Variants in DPP6 observed in about 807,000 individuals in gnomAD.
DPP6 encodes the protein A-type potassium channel modulatory protein DPP6.
DPP6 carries 69 observed loss-of-function variants against 122.6 expected under a neutral mutation model. The observed-to-expected ratio is 0.56, with a 90% CI of 0.46 to 0.69. The LOEUF (loss-of-function observed/expected upper bound fraction) is 0.69. Ranked by LOEUF, DPP6 falls within the 30% of genes least tolerant of loss-of-function variation. The probability of loss-of-function intolerance (pLI) is 0.00; values close to 1 mark genes in which losing one functional copy is unlikely to be tolerated. For missense variants in DPP6, 928 were observed against 1,116.9 expected (o/e 0.83, Z 2.41); for synonymous variants, 418 against 433.1 (o/e 0.97, Z 0.43).
At chr7:154,273,262 G>A (rs1225420246) in intron 1 of DPP6, among the ~76,000 whole-genome samples, 4 of 152,284 alleles carry the variant, frequency 2.6e-5, no homozygotes, top group South Asian at 4.1e-4. Context: ...GGTGAAGGAG[G>A]CAGAATAGGA....
chr7:153,829,835 G>A, the DPP6 span, among the ~76,000 whole-genome samples: 344 of 152,238 alleles, frequency 2.3e-3, 2 homozygotes, highest in Non-Finnish European at 3.9e-3. Context: ...CGATTGTTTC[G>A]GGTACTCTTT....
At chr7:154,839,622 C>T (rs1021723506) in intron 16 of DPP6, among the ~76,000 whole-genome samples, 4 of 152,146 alleles carry the variant, frequency 2.6e-5, no homozygotes, top group Non-Finnish European at 4.4e-5. Flanking sequence ...ACTGTTATTA[C>T]GGTGGTGCCA....
At chr7:154,017,029 G>A (rs1798450042) in intron 1 of DPP6, among the ~76,000 whole-genome samples, 2 of 152,220 alleles carry the variant, frequency 1.3e-5, no homozygotes, top group Admixed American at 6.5e-5. Context: ...GAAGGAATAA[G>A]TAATAGTGTT....
chr7:154,545,205 TTTCA>T lies in DPP6; in HGVS notation c.552+4581_552+4584del, dbSNP rs547383671. Among the ~76,000 whole-genome samples the T allele has an allele frequency of 5.6e-4, 86 of 152,362 alleles. 4 individuals are homozygous for T. The South Asian group carries it at 0.012, about 21-fold the overall frequency. On this transcript the variant is annotated intron_variant, in intron 4 of 25. Transcript: ENST00000377770. ...TTTTAAATGTCAATGTTATTTTACG[TTTCA>T]TGCTCCTTATAAGACTCTTGTCAAC... is the stretch of plus-strand genomic sequence containing the variant.
chr7:153,814,857 C>T, the DPP6 span, among the ~76,000 whole-genome samples: 1 of 151,582 alleles, frequency 6.6e-6, no homozygotes, highest in Middle Eastern at 3.5e-3. Context: ...AAGACAGAAA[C>T]CACATGATTA....
intron 1 of DPP6, among the ~76,000 whole-genome samples, chr7:154,412,347 T>C (rs1055924427): frequency 6.6e-6 from 1 of 152,148 alleles, no homozygotes; most frequent in Non-Finnish European, 1.5e-5. Context: ...AGGGCTAATC[T>C]CCAGCAAAGC....
At chr7:154,409,240 G>T (rs537844366) in intron 1 of DPP6, among the ~76,000 whole-genome samples, 1 of 152,250 alleles carries the variant, frequency 6.6e-6, no homozygotes, top group African/African-American at 2.4e-5. Context: ...CATATGAATG[G>T]ACCCTAATTC....
chr7:153,825,561 GTTTTC>G, the DPP6 span, among the ~76,000 whole-genome samples: 1 of 151,710 alleles, frequency 6.6e-6, no homozygotes, highest in African/African-American at 2.4e-5. Flanking sequence ...CTTTTGTTTT[GTTTTC>G]TTTTCTTTAT....
chr7:153,825,551 C>CTTTTG, the DPP6 span, among the ~76,000 whole-genome samples: 121,691 of 151,166 alleles, frequency 0.81, 49,109 homozygotes, highest in Admixed American at 0.85. Context: ...CCATTTTTTT[C>CTTTTG]TTTTGTTTTG....
chr7:154,646,589 AT>A (rs1395229390), intron 6 of DPP6, among the ~76,000 whole-genome samples: 2 of 152,204 alleles, frequency 1.3e-5, no homozygotes, highest in Non-Finnish European at 2.9e-5. Context: ...GTTTTGTTAG[AT>A]GGCTACTTCC....
chr7:153,878,976 A>G, the DPP6 span, among the ~76,000 whole-genome samples: 1 of 151,876 alleles, frequency 6.6e-6, no homozygotes, highest in Non-Finnish European at 1.5e-5. Context: ...GAAGGAGGAA[A>G]GGAGAAAGAA....
chr7:154,716,270 A>T (rs1041334665), intron 7 of DPP6, among the ~76,000 whole-genome samples: 1 of 151,872 alleles, frequency 6.6e-6, no homozygotes, highest in African/African-American at 2.4e-5. Flanking sequence ...CTGGAACACA[A>T]GGCTTCTCCC....
At chr7:153,952,042 CA>C (rs1320687273) in intron 1 of DPP6, among the ~76,000 whole-genome samples, 2 of 151,914 alleles carry the variant, frequency 1.3e-5, no homozygotes, top group African/African-American at 4.8e-5. Context: ...GATTCTGTCT[CA>C]AAAAAGAAAG....
Position 154,412,535 on chromosome 7 carries a change from C to T in DPP6, c.244-33679C>T, listed in dbSNP as rs1018756303. ...TTAGAGGCCCCATCTCTAATGCAAT[C>T]ACAATGGCAGTGGGGGCTAGTGCTT... On this transcript the variant is annotated intron_variant, in intron 1 of 25. Coordinates refer to ENST00000377770, the MANE Select transcript of DPP6 (RefSeq NM_130797.4). Among the ~76,000 whole-genome samples, 5 of 152,168 alleles carry T rather than the reference C, an allele frequency of 3.3e-5. No individual in the cohort carries two copies. In the South Asian group the frequency reaches 1.0e-3, roughly 32 times the overall value.
In DPP6 at chr7:154,403,566, A is replaced by AAGCAAAG. The variant is rs1158091340; in HGVS notation, c.244-42643_244-42637dup. On this transcript the variant is annotated intron_variant, in intron 1 of 25. Coordinates refer to ENST00000377770, the MANE Select transcript of DPP6 (RefSeq NM_130797.4). The surrounding 1 kb of genome is among the most constrained non-coding windows in gnomAD (Gnocchi z 4.1). ...CTGTGCATCCAACTCTGGGCTGGGA[A>AAGCAAAG]AGCAAAGAGCACTGGGCAATCACGC... Among the ~76,000 whole-genome samples the AAGCAAAG allele has an allele frequency of 1.3e-5, 2 of 152,206 alleles. No homozygotes were observed. The highest frequency in any genetic ancestry group is 2.4e-5 in the African/African-American group (1 of 41,466).
intron 1 of DPP6, among the ~76,000 whole-genome samples, chr7:154,179,603 G>A (rs890612395): frequency 4.6e-5 from 7 of 152,204 alleles, no homozygotes; most frequent in African/African-American, 1.7e-4. Context: ...AATAATGGCT[G>A]TTGCTTCCTT....
chr7:154,504,566 C>A (rs767024642), intron 3 of DPP6, among the ~76,000 whole-genome samples: 1 of 152,088 alleles, frequency 6.6e-6, no homozygotes, highest in Non-Finnish European at 1.5e-5. Context: ...CAAGGATCAA[C>A]GTATGGGACC....
chr7:154,678,281 G>A (rs779054881), intron 7 of DPP6, among the ~76,000 whole-genome samples: 28 of 152,192 alleles, frequency 1.8e-4, no homozygotes, highest in Non-Finnish European at 3.5e-4. Context: ...TGGAAGCTGT[G>A]TTCTTTCCTT....
intron 7 of DPP6, among the ~76,000 whole-genome samples, chr7:154,725,953 A>G (rs958285770): frequency 6.6e-6 from 1 of 152,218 alleles, no homozygotes; most frequent in East Asian, 1.9e-4. Context: ...TCTGAAACCC[A>G]GCAGGGCAGT....
Sources: allele counts gnomAD v4.1 joint callset (sites outside exome capture counted in the v4.1 genomes callset), GRCh38; gene constraint gnomAD v4.1.1; non-coding constraint Gnocchi (gnomAD v3.1); transcripts MANE v1.5; gene names NCBI Gene and HGNC (gene_info 2026-07-23, HGNC 2026-07-21).